Variants in KCNQ1 observed in about 807,000 individuals in gnomAD.
KCNQ1 encodes potassium voltage-gated channel subfamily Q member 1.
KCNQ1 carries 49 observed loss-of-function variants against 72.4 expected under a neutral mutation model. That is an observed-to-expected ratio of 0.68 (90% CI 0.54 to 0.86). KCNQ1 has a LOEUF of 0.86. Ranked by LOEUF, KCNQ1 falls within the 40% of genes least tolerant of loss-of-function variation. The probability of loss-of-function intolerance (pLI) is 0.00; values close to 1 mark genes in which losing one functional copy is unlikely to be tolerated. For synonymous variants in KCNQ1, 450 were observed against 412.6 expected (o/e 1.09, Z -1.10); for missense variants, 790 against 945.1 (o/e 0.84, Z 2.15).
intron 11 of KCNQ1, chr11:2,666,040 A>G (rs1026800364): frequency 7.5e-6 from 3 of 398,552 alleles, no homozygotes; most frequent in African/African-American, 6.2e-5. Flanking sequence ...GATACCTGAG[A>G]TAGACGGCCC....
In KCNQ1 at chr11:2,562,687, A is replaced by T. The variant is rs1848191393; in HGVS notation, c.478-7941A>T. On this transcript the variant is annotated intron_variant, in intron 2 of 15. Transcript: ENST00000155840. This position sits in a 1 kb window ranked among gnomAD's most constrained non-coding sequence, Gnocchi z 7.5. Reference sequence around the variant, plus strand: ...GATGAGGCCTCATTGTCTCCTAAAAAGTGTGGGTACAGATCTCAGGCTTTT... The same window carrying T: ...GATGAGGCCTCATTGTCTCCTAAAATGTGTGGGTACAGATCTCAGGCTTTT... 2.0e-5 allele frequency among the ~76,000 whole-genome samples: 3 copies of T among 152,146 alleles called. No homozygotes were observed. The highest frequency in any genetic ancestry group is 4.8e-5 in the African/African-American group (2 of 41,428).
Position 2,483,151 on chromosome 11 carries a change from G to A in KCNQ1, c.386+37667G>A, listed in dbSNP as rs185519784. ...GGCATGGCACATGCAAAGGTCCTGTGTTGGGAACGTGCTTGGTGCATGTGA... is the reference window on the plus strand; with the variant it reads ...GGCATGGCACATGCAAAGGTCCTGTATTGGGAACGTGCTTGGTGCATGTGA... On this transcript the variant is annotated intron_variant, in intron 1 of 15. Transcript: ENST00000155840. This position sits in a 1 kb window ranked among gnomAD's most constrained non-coding sequence, Gnocchi z 6.1. 4.3e-4 allele frequency among the ~76,000 whole-genome samples: 65 copies of A among 152,320 alleles called. No homozygotes were observed. Among genetic ancestry groups the A allele is most frequent in the African/African-American group, 1.5e-3 (62 of 41,570 alleles).
At chr11:2,806,415 T>A (rs1478790991) in intron 15 of KCNQ1, among the ~76,000 whole-genome samples, 4 of 152,182 alleles carry the variant, frequency 2.6e-5, no homozygotes, top group Non-Finnish European at 4.4e-5. Flanking sequence ...TGGGGCCACA[T>A]GGGCCACTGT....
chr11:2,678,018 A>C lies in KCNQ1; in HGVS notation c.1514+15937A>C, dbSNP rs528848005. On this transcript the variant is annotated intron_variant, in intron 11 of 15. Transcript: ENST00000155840. The surrounding 1 kb of genome is among the most constrained non-coding windows in gnomAD (Gnocchi z 4.9). ...TTTATCTTTCCAAATGCTTAAAATC[A>C]TTTGTTTTTCTTTCTTGTGAACTAT... The C allele has an allele frequency of 4.4e-4, 145 of 329,146 alleles. 2 individuals are homozygous for C. Among genetic ancestry groups the C allele is most frequent in the Non-Finnish European group, 1.3e-4 (28 of 208,102 alleles). The allele number at this position is 329,146 out of a possible 1,614,324, so 20.4% of individuals were successfully genotyped here. A position where few individuals can be genotyped will look rare whatever the true frequency, so the allele number is the denominator to read the frequency against.
Position 2,543,316 on chromosome 11 carries a change from C to T in KCNQ1, c.477+15298C>T, listed in dbSNP as rs962226217. ...TTGAGACTGGGTCATGCACTGTGCT[C>T]AGGCTGGAGTGCAGTGGCGTAAACG... On this transcript the variant is annotated intron_variant, in intron 2 of 15. Transcript: ENST00000155840. The surrounding 1 kb of genome is among the most constrained non-coding windows in gnomAD (Gnocchi z 5.6). Among the ~76,000 whole-genome samples the T allele has an allele frequency of 1.3e-5, 2 of 151,948 alleles. No homozygotes were observed. Among genetic ancestry groups the T allele is most frequent in the African/African-American group, 4.8e-5 (2 of 41,374 alleles).
In KCNQ1 at chr11:2,516,655, G is replaced by T. The variant is rs1166851616; in HGVS notation, c.387-11273G>T. Among the ~76,000 whole-genome samples, 1 of 152,152 alleles carries T rather than the reference G, an allele frequency of 6.6e-6. No homozygotes were observed. The highest frequency in any genetic ancestry group is 1.5e-5 in the Non-Finnish European group (1 of 68,028). ...ATCCTGCCAGAGCCCTGGGTTCTCA[G>T]CAGGACTCTTTGCCGGGATCCTCAT... On this transcript the variant is annotated intron_variant, in intron 1 of 15. Transcript: ENST00000155840. The surrounding 1 kb of genome is among the most constrained non-coding windows in gnomAD (Gnocchi z 7.0).
At chr11:2,545,039 C>A (rs986945672) in intron 2 of KCNQ1, among the ~76,000 whole-genome samples, 5 of 152,214 alleles carry the variant, frequency 3.3e-5, no homozygotes, top group African/African-American at 1.2e-4. Context: ...TTTGATACAT[C>A]TTTTGATATG....
intron 15 of KCNQ1, chr11:2,840,092 C>T (rs1848173691): frequency 6.6e-6 from 1 of 150,654 alleles, no homozygotes; most frequent in South Asian, 2.1e-4. Flanking sequence ...TCACTAATAG[C>T]CTCCTGTTGA....
chr11:2,670,404 T>G lies in KCNQ1; in HGVS notation c.1514+8323T>G. 2.5e-6 allele frequency: 1 copy of G among 398,234 alleles called. No individual in the cohort carries two copies. 24.7% of individuals were successfully genotyped at this position (398,234 alleles called of 1,614,324 possible). A position where few individuals can be genotyped will look rare whatever the true frequency, so the allele number is the denominator to read the frequency against. Reference sequence around the variant, plus strand: ...GAGCATTAACCAGACACCTACTATGTGTATTTCTTGTGTTGGGGTTAGGAG... The same window carrying G: ...GAGCATTAACCAGACACCTACTATGGGTATTTCTTGTGTTGGGGTTAGGAG... On this transcript the variant is annotated intron_variant, in intron 11 of 15. Coordinates refer to ENST00000155840, the MANE Select transcript of KCNQ1 (RefSeq NM_000218.3). This position sits in a 1 kb window ranked among gnomAD's most constrained non-coding sequence, Gnocchi z 4.9.
chr11:2,624,884 G>A lies in KCNQ1; in HGVS notation c.1393+36030G>A, dbSNP rs752324669. 2.3e-5 allele frequency: 9 copies of A among 398,244 alleles called. No individual in the cohort carries two copies. The highest frequency in any genetic ancestry group is 6.2e-4 in the Middle Eastern group (1 of 1,610). 24.7% of individuals were successfully genotyped at this position (398,244 alleles called of 1,614,324 possible). A position where few individuals can be genotyped will look rare whatever the true frequency, so the allele number is the denominator to read the frequency against. On this transcript the variant is annotated intron_variant, in intron 10 of 15. Transcript: ENST00000155840. The surrounding 1 kb of genome is among the most constrained non-coding windows in gnomAD (Gnocchi z 4.9). The stretch of plus-strand genomic sequence containing the variant: ...GTATTTCATTTAACATAATGGCCTC[G>A]AGGTTCATCCATGTTGTGGCATGTG...
At position 2,777,341 on chromosome 11, in the gene KCNQ1, T is replaced by TCCTGGGGCTGGG. The variant is rs151199270; in HGVS notation, c.1732+316_1732+317insCTGGGCCTGGGG. Among the ~76,000 whole-genome samples the TCCTGGGGCTGGG allele has an allele frequency of 0.017, 2,460 of 145,248 alleles. 107 individuals are homozygous for TCCTGGGGCTGGG. The highest frequency in any genetic ancestry group is 0.14 in the East Asian group (658 of 4,568). On this transcript the variant is annotated intron_variant, in intron 14 of 15. Transcript: ENST00000155840. ...AGGGCAACTTTGCAGAAGGGGGTGA[T>TCCTGGGGCTGGG]CCTGGGGTGGGGTTTGGGTGGGGTG...
chr11:2,660,495 T>G (rs1849932474), intron 10 of KCNQ1: 4 of 398,538 alleles, frequency 1.0e-5, no homozygotes, highest in Non-Finnish European at 1.8e-5. Context: ...TATCTATGCC[T>G]CATATAACAA....
rs1849652924 is a variant in KCNQ1 at position 2,645,533 on chromosome 11, G to C, written c.1394-16428G>C. ...CTATTGCAGCCCTACTCCTGGGGAA[G>C]TTGAGTGGGATTGCTTTCAGTGGCA... On this transcript the variant is annotated intron_variant, in intron 10 of 15. Transcript: ENST00000155840. This position sits in a 1 kb window ranked among gnomAD's most constrained non-coding sequence, Gnocchi z 5.8. 5.0e-6 allele frequency: 2 copies of C among 398,650 alleles called. No homozygotes were observed. Among genetic ancestry groups the C allele is most frequent in the Non-Finnish European group, 8.8e-6 (2 of 226,200 alleles). 24.7% of individuals were successfully genotyped at this position (398,650 alleles called of 1,614,324 possible). A position where few individuals can be genotyped will look rare whatever the true frequency, so the allele number is the denominator to read the frequency against.
chr11:2,737,675 G>A (rs970896479), intron 11 of KCNQ1, among the ~76,000 whole-genome samples: 6 of 152,166 alleles, frequency 3.9e-5, no homozygotes, highest in African/African-American at 1.2e-4. Flanking sequence ...CTCGGCCCTC[G>A]CAGACCATAA....
intron 10 of KCNQ1, chr11:2,625,878 A>G: frequency 2.5e-6 from 1 of 398,392 alleles, no homozygotes; most frequent in African/African-American, 2.1e-5. Context: ...CCTTTTGCCC[A>G]TTTTTCAGGT....
At chr11:2,688,038 A>G (rs1157699292) in intron 11 of KCNQ1, 10 of 398,118 alleles carry the variant, frequency 2.5e-5, no homozygotes, top group Admixed American at 8.8e-5. Context: ...GCAGGCACAC[A>G]CTCCACTCAG....
rs1846939081 is a variant in KCNQ1, at chr11:2,497,312, T to C, written c.387-30616T>C. ...CACTTTCAGGTACAGCAATCAATTG[T>C]AGGTTTGGTCTTTTCATATAGTCCC... is the stretch of plus-strand genomic sequence containing the variant. On this transcript the variant is annotated intron_variant, in intron 1 of 15. Coordinates refer to ENST00000155840, the MANE Select transcript of KCNQ1 (RefSeq NM_000218.3). The surrounding 1 kb of genome is among the most constrained non-coding windows in gnomAD (Gnocchi z 4.5). Among the ~76,000 whole-genome samples the C allele has an allele frequency of 6.6e-6, 1 of 152,202 alleles. No individual in the cohort carries two copies. The highest frequency in any genetic ancestry group is 2.1e-4 in the South Asian group (1 of 4,822).
Position 2,827,231 on chromosome 11 carries a change from G to T in KCNQ1, c.1795-20536G>T, listed in dbSNP as rs779596905. On this transcript the variant is annotated intron_variant, in intron 15 of 15. Coordinates refer to ENST00000155840, the MANE Select transcript of KCNQ1 (RefSeq NM_000218.3). This position sits in a 1 kb window ranked among gnomAD's most constrained non-coding sequence, Gnocchi z 6.7. The stretch of plus-strand genomic sequence containing the variant: ...CTGCTGCTGAGACAGTGACCCTGGG[G>T]ACAGCCCAAATAAGAGAGAACTTTG... Among the ~76,000 whole-genome samples, 4 of 152,166 alleles carry T rather than the reference G, an allele frequency of 2.6e-5. No individual in the cohort carries two copies. Among genetic ancestry groups the T allele is most frequent in the Admixed American group, 1.3e-4 (2 of 15,286 alleles).
intron 15 of KCNQ1, among the ~76,000 whole-genome samples, chr11:2,778,969 A>G (rs1007434852): frequency 1.3e-5 from 2 of 152,112 alleles, no homozygotes; most frequent in African/African-American, 4.8e-5. Flanking sequence ...ACCTGGCACC[A>G]TCTGCCCATG....
Sources: gnomAD v4.1 joint callset for allele counts (sites outside exome capture counted in the v4.1 genomes callset) on GRCh38, gnomAD v4.1.1 for gene constraint, Gnocchi (gnomAD v3.1) non-coding constraint, MANE v1.5 for transcripts, NCBI Gene and HGNC (gene_info 2026-07-23, HGNC 2026-07-21) for gene names.